The following AMN1 variants were observed in gnomAD, a reference collection of about 807,000 sequenced individuals.
AMN1 encodes the protein protein AMN1 homolog.
Under a neutral mutation model 33.0 loss-of-function variants are expected in AMN1, and 20 were observed. The ratio of observed to expected loss-of-function variants is 0.61; its 90% CI spans 0.43 to 0.88. AMN1 has a LOEUF of 0.88. AMN1 is among the 40% of genes least tolerant of loss of function. AMN1 has a pLI of 0.00. For synonymous variants in AMN1, 114 were observed against 111.9 expected (o/e 1.02, Z -0.12); for missense variants, 246 against 307.4 (o/e 0.80, Z 1.49).
intron 3 of AMN1, among the ~76,000 whole-genome samples, chr12:31,698,444 G>C (rs1167790621): frequency 1.3e-5 from 2 of 152,172 alleles, no homozygotes; most frequent in African/African-American, 2.4e-5. Flanking sequence ...CTTTGACTCT[G>C]TTCTCAAAAG....
chr12:31,715,243 G>A (rs1477648510), intron 1 of AMN1: 1 of 155,798 alleles, frequency 6.4e-6, no homozygotes, highest in African/African-American at 2.4e-5. Flanking sequence ...TCAGCTTCTA[G>A]AATATTTGTC....
At chr12:31,677,189 A>G (rs1416354217) in intron 6 of AMN1, among the ~76,000 whole-genome samples, 1 of 152,042 alleles carries the variant, frequency 6.6e-6, no homozygotes. Context: ...AGTCCCAACT[A>G]CTCGGGAGGC....
At chr12:31,694,743 C>T (rs1938650189) in intron 5 of AMN1, among the ~76,000 whole-genome samples, 1 of 152,098 alleles carries the variant, frequency 6.6e-6, no homozygotes, top group African/African-American at 2.4e-5. Context: ...AAGACCCTGT[C>T]TCAAAAAACA....
intron 5 of AMN1, among the ~76,000 whole-genome samples, chr12:31,695,602 C>T (rs953337435): frequency 5.9e-5 from 9 of 151,426 alleles, no homozygotes; most frequent in Non-Finnish European, 1.3e-4. Context: ...TCTCCTATCT[C>T]AGGCTCCCAA....
At chr12:31,701,620 T>G (rs1939005480) in intron 3 of AMN1, among the ~76,000 whole-genome samples, 1 of 152,196 alleles carries the variant, frequency 6.6e-6, no homozygotes, top group East Asian at 1.9e-4. Flanking sequence ...CCATGTTTAT[T>G]TTACATATGT....
At chr12:31,720,949 T>C (rs1419239129) in intron 1 of AMN1, among the ~76,000 whole-genome samples, 2 of 152,178 alleles carry the variant, frequency 1.3e-5, no homozygotes, top group Non-Finnish European at 2.9e-5. Context: ...TGTAGCAGAA[T>C]TGTAGGCCAA....
In AMN1 at chr12:31,701,939, G is replaced by A. The variant is rs1265893374; in HGVS notation, c.240C>T (p.His80=). 3 of 1,610,408 alleles carry A rather than the reference G, an allele frequency of 1.9e-6. No homozygotes were observed. In the Admixed American group the frequency reaches 5.1e-5, roughly 27 times the overall value. Residue 80 remains histidine (H), a synonymous_variant, in exon 3 of 7, where the codon CAC becomes CAT. Transcript: ENST00000281471. ...SCDISDAALL[H]LSNCRKLKKL... ...TCTTCAGTTTTCTACAGTTAGACAGGTGCAGGAGAGCAGCATCTGATATAT... is the reference window on the plus strand; with the variant it reads ...TCTTCAGTTTTCTACAGTTAGACAGATGCAGGAGAGCAGCATCTGATATAT...
intron 5 of AMN1, among the ~76,000 whole-genome samples, chr12:31,691,730 C>T (rs762384906): frequency 6.6e-5 from 10 of 151,822 alleles, no homozygotes; most frequent in Non-Finnish European, 1.2e-4. Context: ...TCTGTCTGAG[C>T]AGGGTCCACA....
chr12:31,690,509 A>G (rs777498928), intron 5 of AMN1, among the ~76,000 whole-genome samples: 6 of 152,108 alleles, frequency 3.9e-5, no homozygotes, highest in Non-Finnish European at 8.8e-5. Flanking sequence ...GTAATCACAA[A>G]TGATGTTGAG....
intron 5 of AMN1, among the ~76,000 whole-genome samples, chr12:31,690,102 TGG>T (rs148440928): frequency 0.033 from 5,024 of 152,332 alleles, 277 homozygotes; most frequent in African/African-American, 0.11. Flanking sequence ...TTCCTTTTTA[TGG>T]CTGAGTAGTA....
chr12:31,685,889 G>T (rs56257104), intron 6 of AMN1, among the ~76,000 whole-genome samples: 2,862 of 145,370 alleles, frequency 0.02, 95 homozygotes, highest in African/African-American at 0.068. Flanking sequence ...TTTCACTCTT[G>T]TTGCCCAAGC....
chr12:31,691,137 CAA>C (rs35531262), intron 5 of AMN1, among the ~76,000 whole-genome samples: 1,409 of 124,708 alleles, frequency 0.011, 18 homozygotes, highest in African/African-American at 0.035. Context: ...GACTCCGTCT[CAA>C]AAAAAAAAAA....
intron 1 of AMN1, among the ~76,000 whole-genome samples, chr12:31,722,063 G>C (rs1158513667): frequency 6.6e-6 from 1 of 151,862 alleles, no homozygotes; most frequent in African/African-American, 2.4e-5. Flanking sequence ...TTGTCTCAGT[G>C]AAATAGACCG....
upstream of AMN1, chr12:31,729,153 T>C (rs1333094211): frequency 2.6e-5 from 23 of 875,106 alleles, no homozygotes; most frequent in Non-Finnish European, 3.4e-5. Flanking sequence ...GTGGCCACGC[T>C]TCGGACTCCA....
chr12:31,724,404 T>C (rs556635402), intron 1 of AMN1, among the ~76,000 whole-genome samples: 151 of 152,308 alleles, frequency 9.9e-4, no homozygotes, highest in African/African-American at 3.3e-3. Flanking sequence ...AGCATGGATA[T>C]GCTGAACGAA....
Position 31,709,441 on chromosome 12 carries a change from A to G in AMN1, c.39-16T>C, listed in dbSNP as rs762243265. On this transcript the variant is annotated splice_polypyrimidine_tract_variant and intron_variant, in intron 1 of 6. Coordinates refer to ENST00000281471, the MANE Select transcript of AMN1 (RefSeq NM_001113402.2). ...CCAAAGGCATCTGAAATACAAATAC[A>G]ATATAGTAAATCACACTGGGCCTGT... The G allele has an allele frequency of 1.9e-6, 3 of 1,601,326 alleles. No individual in the cohort carries two copies. Among genetic ancestry groups the G allele is most frequent in the Non-Finnish European group, 2.6e-6 (3 of 1,172,668 alleles).
At chr12:31,718,019 C>T (rs1164551827) in intron 1 of AMN1, among the ~76,000 whole-genome samples, 1 of 152,120 alleles carries the variant, frequency 6.6e-6, no homozygotes, top group East Asian at 1.9e-4. Context: ...TGTTTTCCAA[C>T]GTGGTTCCAT....
intron 3 of AMN1, among the ~76,000 whole-genome samples, chr12:31,699,819 G>A (rs1049780652): frequency 6.6e-6 from 1 of 152,152 alleles, no homozygotes; most frequent in African/African-American, 2.4e-5. Context: ...CCCTTAACTT[G>A]TGGGATCTGA....
intron 1 of AMN1, among the ~76,000 whole-genome samples, chr12:31,715,104 G>T (rs1248336555): frequency 6.6e-6 from 1 of 152,196 alleles, no homozygotes; most frequent in Non-Finnish European, 1.5e-5. Flanking sequence ...AAGTAGCAAA[G>T]ATGCAACAAG....
Sources: allele counts gnomAD v4.1 joint callset (sites outside exome capture counted in the v4.1 genomes callset), GRCh38; gene constraint gnomAD v4.1.1; transcripts MANE v1.5; gene names NCBI Gene and HGNC (gene_info 2026-07-23, HGNC 2026-07-21).